The following MALSU1 variants were observed in gnomAD, a reference collection of about 807,000 sequenced individuals.
MALSU1 encodes mitochondrial assembly of ribosomal large subunit protein 1.
Under a neutral mutation model 22.1 loss-of-function variants are expected in MALSU1, and 22 were observed. That is an observed-to-expected ratio of 1.00 (90% confidence interval 0.71 to 1.42). MALSU1 has a LOEUF of 1.42. Among genes scored for constraint, MALSU1 ranks in the 40% most tolerant of loss-of-function variants. The pLI, the probability that MALSU1 is intolerant of heterozygous loss-of-function variation, is 0.00. For synonymous variants in MALSU1, 153 were observed against 118.5 expected (o/e 1.29, Z -1.89); for missense variants, 379 against 308.3 (o/e 1.23, Z -1.72).
rs762660413 is a variant in MALSU1 at position 23,309,409 on chromosome 7, G to T, written c.571G>T (p.Glu191Ter). The change falls in exon 4 of 4, where the codon GAG (glutamate) becomes TAG (stop). Residue 191 changes from glutamate to a stop codon, truncating the protein, a stop_gained. Coordinates refer to ENST00000466681, the MANE Select transcript of MALSU1 (RefSeq NM_138446.2). LOFTEE classifies it high-confidence loss of function. ...LPETREIYELEKLWTLRSYDD... is the reference protein window; with the variant it reads ...LPETREIYEL ...AGAAACCAGAGAAATCTATGAATTA[G>T]AGAAATTATGGACCCTACGTTCTTA... is the stretch of plus-strand genomic sequence containing the variant. 6.2e-7 allele frequency: 1 copy of T among 1,613,484 alleles called. No individual in the cohort carries two copies. Among genetic ancestry groups the T allele is most frequent in the South Asian group, 1.1e-5 (1 of 90,996 alleles).
chr7:23,307,788 A>C (rs771684469), intron 2 of MALSU1, 80 bp from the exon 3 acceptor site: 20,476 of 855,960 alleles, frequency 0.024, 496 homozygotes, highest in African/African-American at 0.077. Flanking sequence ...ACAAACAAAC[A>C]AACAAAAAAA....
Position 23,307,782 on chromosome 7 carries a change from AC to A in MALSU1, c.436-85del, listed in dbSNP as rs367717483. 759 of 824,534 alleles carry A rather than the reference AC, an allele frequency of 9.2e-4. 1 individual carries two copies. Among genetic ancestry groups the A allele is most frequent in the South Asian group, 3.5e-3 (217 of 62,628 alleles). The allele number at this position is 824,534 out of a possible 1,614,324, so 51.1% of individuals were successfully genotyped here. On this transcript the variant is annotated intron_variant, in intron 2 of 3. Transcript: ENST00000466681. ...GAGTAAGAAAGATTAAAAAAAACAAACAAACAAACAAAAAAAAAAGACCTTC... is the reference window on the plus strand; with the variant it reads ...GAGTAAGAAAGATTAAAAAAAACAAAAAACAAACAAAAAAAAAAGACCTTC...
intron 2 of MALSU1, among the ~76,000 whole-genome samples, chr7:23,301,891 C>T (rs1459024284): frequency 6.6e-6 from 1 of 151,820 alleles, no homozygotes; most frequent in Non-Finnish European, 1.5e-5. Context: ...ATGGCTTGAA[C>T]CTGGGAGGCG....
intron 1 of MALSU1, among the ~76,000 whole-genome samples, chr7:23,300,587 A>G (rs1783628592): frequency 6.6e-6 from 1 of 152,150 alleles, no homozygotes; most frequent in Non-Finnish European, 1.5e-5. Context: ...GTCTGGTTCT[A>G]CTTGCATATG....
At chr7:23,306,123 G>T (rs1562657406) in intron 2 of MALSU1, among the ~76,000 whole-genome samples, 1 of 152,162 alleles carries the variant, frequency 6.6e-6, no homozygotes, top group Non-Finnish European at 1.5e-5. Context: ...GAACTTGGGA[G>T]GTGGAGGTTG....
Position 23,300,990 on chromosome 7 carries a change from T to C in MALSU1, c.408T>C (p.His136=). The part of the protein sequence containing the change: ...IVSGTSTRHL[H]AMAFYVVKMY... ...GTGGAACTTCTACCCGACACTTACA[T>C]GCCATGGCCTTCTACGTTGTGAAAA... The change falls in exon 2 of 4, where the codon CAT becomes CAC. Residue 136 remains histidine, a synonymous_variant. Transcript: ENST00000466681. 6.2e-7 allele frequency: 1 copy of C among 1,614,006 alleles called. No individual in the cohort carries two copies. The highest frequency in any genetic ancestry group is 1.1e-5 in the South Asian group (1 of 91,062).
At chr7:23,303,510 C>G (rs150478677) in intron 2 of MALSU1, among the ~76,000 whole-genome samples, 30 of 152,176 alleles carry the variant, frequency 2.0e-4, no homozygotes, top group Middle Eastern at 3.4e-3. Flanking sequence ...AAATACTGTT[C>G]ATGAGGCTGG....
chr7:23,309,606 G>A lies in MALSU1; in HGVS notation c.*63G>A. 1 of 1,344,364 alleles carries A rather than the reference G, an allele frequency of 7.4e-7. No individual in the cohort carries two copies. The highest frequency in any genetic ancestry group is 1.4e-5 in the South Asian group (1 of 70,574). 83.3% of individuals were successfully genotyped at this position (1,344,364 alleles called of 1,614,324 possible). On this transcript the variant is annotated 3_prime_UTR_variant, in exon 4 of 4. Transcript: ENST00000466681. ...ATTGAGTCACTTATTGGAAAATACA[G>A]CTCCTAAAGTCCGTCTCCTTGGTTA... is the stretch of plus-strand genomic sequence containing the variant.
chr7:23,308,133 T>C (rs1376996904), intron 3 of MALSU1, 184 bp downstream of exon 3: 1 of 601,344 alleles, frequency 1.7e-6, no homozygotes, highest in African/African-American at 1.9e-5. Context: ...ACATGTAGAA[T>C]TTTCACCTAA....
At chr7:23,306,062 C>T (rs998282100) in intron 2 of MALSU1, among the ~76,000 whole-genome samples, 14 of 152,092 alleles carry the variant, frequency 9.2e-5, no homozygotes, top group South Asian at 4.1e-4. Context: ...GGCGTGGTGG[C>T]GCATGCCTGT....
At chr7:23,306,694 A>T (rs1181561765) in intron 2 of MALSU1, among the ~76,000 whole-genome samples, 1 of 152,182 alleles carries the variant, frequency 6.6e-6, no homozygotes, top group Non-Finnish European at 1.5e-5. Flanking sequence ...AGATTATCAT[A>T]TAGATTTTTT....
chr7:23,309,588 C>CACTT lies in MALSU1; in HGVS notation c.*47_*50dup, dbSNP rs764955862. On this transcript the variant is annotated 3_prime_UTR_variant, in exon 4 of 4. Coordinates refer to ENST00000466681, the MANE Select transcript of MALSU1 (RefSeq NM_138446.2). Reference sequence around the variant, plus strand: ...TAGTCATTTCAGATTTGGATTGAGTCACTTATTGGAAAATACAGCTCCTAA... The same window carrying CACTT: ...TAGTCATTTCAGATTTGGATTGAGTCACTTACTTATTGGAAAATACAGCTCCTAA... 4 of 1,470,440 alleles carry CACTT rather than the reference C, an allele frequency of 2.7e-6. No homozygotes were observed. The highest frequency in any genetic ancestry group is 2.1e-5 in the Admixed American group (1 of 48,066). The allele number at this position is 1,470,440 out of a possible 1,614,324, so 91.1% of individuals were successfully genotyped here. A position where few individuals can be genotyped will look rare whatever the true frequency, so the allele number is the denominator to read the frequency against.
At chr7:23,304,956 C>T (rs536032706) in intron 2 of MALSU1, among the ~76,000 whole-genome samples, 2 of 152,180 alleles carry the variant, frequency 1.3e-5, no homozygotes, top group East Asian at 3.9e-4. Context: ...TTTATTTTTT[C>T]TTCTGTTGCC....
At chr7:23,304,169 G>A (rs1207292849) in intron 2 of MALSU1, among the ~76,000 whole-genome samples, 1 of 152,092 alleles carries the variant, frequency 6.6e-6, no homozygotes, top group African/African-American at 2.4e-5. Context: ...CAAAGAAATG[G>A]GATTGCTGGA....
chr7:23,310,196 C>G lies in MALSU1; in HGVS notation c.*653C>G, dbSNP rs963394920. On this transcript the variant is annotated 3_prime_UTR_variant, in exon 4 of 4. Transcript: ENST00000466681. ...AATTGAAAACCAAAAATAAAACATACTACACAACAAGCTGCACCTAAATGA... is the reference window on the plus strand; with the variant it reads ...AATTGAAAACCAAAAATAAAACATAGTACACAACAAGCTGCACCTAAATGA... The G allele has an allele frequency of 6.6e-6, 1 of 152,084 alleles. No individual in the cohort carries two copies. The highest frequency in any genetic ancestry group is 2.4e-5 in the African/African-American group (1 of 41,414). 9.4% of individuals were successfully genotyped at this position (152,084 alleles called of 1,614,324 possible).
At chr7:23,303,017 C>G (rs994562613) in intron 2 of MALSU1, among the ~76,000 whole-genome samples, 1 of 152,166 alleles carries the variant, frequency 6.6e-6, no homozygotes, top group African/African-American at 2.4e-5. Context: ...CCACCTCGGC[C>G]TCCCAAAGTG....
chr7:23,304,302 C>G (rs570190463), intron 2 of MALSU1, among the ~76,000 whole-genome samples: 2 of 152,262 alleles, frequency 1.3e-5, no homozygotes, highest in East Asian at 3.9e-4. Flanking sequence ...TTACATTTCT[C>G]TAGCAGTGCA....
chr7:23,300,432 C>T (rs776478274), intron 1 of MALSU1, among the ~76,000 whole-genome samples: 1 of 152,178 alleles, frequency 6.6e-6, no homozygotes, highest in Non-Finnish European at 1.5e-5. Flanking sequence ...AATTCTGTGA[C>T]CCGTTATGAC....
rs1783784551 is a variant in MALSU1, at chr7:23,309,894, G to A, written c.*351G>A. 1 of 155,932 alleles carries A rather than the reference G, an allele frequency of 6.4e-6. No homozygotes were observed. Among genetic ancestry groups the A allele is most frequent in the Non-Finnish European group, 1.4e-5 (1 of 70,808 alleles). 9.7% of individuals were successfully genotyped at this position (155,932 alleles called of 1,614,324 possible). A position where few individuals can be genotyped will look rare whatever the true frequency, so the allele number is the denominator to read the frequency against. ...TTAACCCTGTTTGTTTAATGGAATG[G>A]CAAAAATTTTAAAAAATAATATAAA... On this transcript the variant is annotated 3_prime_UTR_variant, in exon 4 of 4. Coordinates refer to ENST00000466681, the MANE Select transcript of MALSU1 (RefSeq NM_138446.2).
Sources: allele counts gnomAD v4.1 joint callset (sites outside exome capture counted in the v4.1 genomes callset), GRCh38; gene constraint gnomAD v4.1.1; transcripts MANE v1.5; gene names NCBI Gene and HGNC (gene_info 2026-07-23, HGNC 2026-07-21).